Variants in PPP1R13B observed in about 807,000 individuals in gnomAD.
PPP1R13B encodes protein phosphatase 1 regulatory subunit 13B, also known as apoptosis-stimulating of p53 protein 1.
A neutral mutation model predicts 119.8 loss-of-function variants in PPP1R13B; 44 were observed. The ratio of observed to expected loss-of-function variants is 0.37; its 90% CI spans 0.29 to 0.47. The LOEUF is 0.47. Among genes scored for constraint, PPP1R13B ranks in the 20% least tolerant of loss-of-function variants. The probability of loss-of-function intolerance (pLI) is 0.99; values close to 1 mark genes in which losing one functional copy is unlikely to be tolerated. For missense variants in PPP1R13B, 1,227 were observed against 1,413.5 expected (o/e 0.87, Z 2.12); for synonymous variants, 542 against 561.5 (o/e 0.97, Z 0.49).
intron 2 of PPP1R13B, among the ~76,000 whole-genome samples, chr14:103,795,515 C>T (rs182081567): frequency 1.1e-4 from 16 of 152,134 alleles, no homozygotes; most frequent in African/African-American, 3.9e-4. Flanking sequence ...CCGAGTGACT[C>T]GTATGAGAGA....
At chr14:103,750,401 T>C (rs1028344243) in intron 7 of PPP1R13B, among the ~76,000 whole-genome samples, 34 of 152,146 alleles carry the variant, frequency 2.2e-4, no homozygotes, top group African/African-American at 7.7e-4. Flanking sequence ...TTTAAAGAAA[T>C]GAACTAGGAC....
At position 103,805,652 on chromosome 14, in the gene PPP1R13B, C is replaced by G. The variant is rs547193784; in HGVS notation, c.10-8134G>C. On this transcript the variant is annotated intron_variant, in intron 1 of 16. Transcript: ENST00000202556. ...AAGACAAAACCAAAATCTCCATTAA[C>G]AGATAATTATGGAATATCATACAAT... Among the ~76,000 whole-genome samples the G allele has an allele frequency of 1.4e-4, 22 of 152,202 alleles. No individual in the cohort carries two copies. The East Asian group carries it at 3.7e-3, about 25-fold the overall frequency.
Position 103,735,049 on chromosome 14 carries a change from C to G in PPP1R13B, c.*105G>C, listed in dbSNP as rs772195669. ...TGGACGCTGTCTGCTAAAGTGAGCA[C>G]CATTAAGACCATTTTCTAGCTGCAG... On this transcript the variant is annotated 3_prime_UTR_variant, in exon 17 of 17. Transcript: ENST00000202556. The G allele has an allele frequency of 3.1e-6, 4 of 1,275,344 alleles. No individual in the cohort carries two copies. The allele number at this position is 1,275,344 out of a possible 1,614,324, so 79.0% of individuals were successfully genotyped here. A position where few individuals can be genotyped will look rare whatever the true frequency, so the allele number is the denominator to read the frequency against.
intron 5 of PPP1R13B, among the ~76,000 whole-genome samples, chr14:103,755,909 C>T (rs2084665995): frequency 6.6e-6 from 1 of 151,966 alleles, no homozygotes; most frequent in East Asian, 1.9e-4. Context: ...AAAACAAGTC[C>T]AACCCAAATT....
chr14:103,761,741 C>G (rs1180634358), intron 4 of PPP1R13B, among the ~76,000 whole-genome samples: 2 of 139,294 alleles, frequency 1.4e-5, no homozygotes, highest in African/African-American at 5.4e-5. Flanking sequence ...CCAGCCTGGG[C>G]AACAGAGCAA....
intron 1 of PPP1R13B, among the ~76,000 whole-genome samples, chr14:103,815,037 A>G (rs2086246057): frequency 6.6e-6 from 1 of 152,228 alleles, no homozygotes; most frequent in South Asian, 2.1e-4. Flanking sequence ...AAAAAGTGGA[A>G]ACAACTCAAA....
chr14:103,735,876 T>A (rs748572321), intron 16 of PPP1R13B, 127 bp downstream of exon 16: 6 of 1,071,906 alleles, frequency 5.6e-6, no homozygotes, highest in Non-Finnish European at 5.4e-6. Flanking sequence ...CACCTCCCCC[T>A]CTACAGAGGG....
At chr14:103,832,278 T>TG (rs2086679426) in intron 1 of PPP1R13B, among the ~76,000 whole-genome samples, 1 of 152,138 alleles carries the variant, frequency 6.6e-6, no homozygotes, top group Admixed American at 6.6e-5. Context: ...TGACAATTGT[T>TG]GGGATGACTA....
In PPP1R13B at chr14:103,733,583, T is replaced by C. The variant is rs560054899; in HGVS notation, c.*1571A>G. ...CGTGGGGGCTTTGTGTTTTGTACTT[T>C]TCACTCACTATTTCACTTTATTAAG... is the stretch of plus-strand genomic sequence containing the variant. On this transcript the variant is annotated 3_prime_UTR_variant, in exon 17 of 17. Transcript: ENST00000202556. The C allele has an allele frequency of 6.5e-6, 1 of 153,382 alleles. No individual in the cohort carries two copies. Among genetic ancestry groups the C allele is most frequent in the Admixed American group, 6.5e-5 (1 of 15,400 alleles). 9.5% of individuals were successfully genotyped at this position (153,382 alleles called of 1,614,324 possible).
Position 103,746,476 on chromosome 14 carries a change from A to G in PPP1R13B, c.1047T>C (p.Tyr349=), listed in dbSNP as rs2084389039. 2.5e-6 allele frequency: 4 copies of G among 1,613,946 alleles called. No homozygotes were observed. Among genetic ancestry groups the G allele is most frequent in the African/African-American group, 2.7e-5 (2 of 74,934 alleles). The part of the protein sequence containing the change: ...TSGRVAAVGP[Y]IQVPSAGSFP... ...AGCTTCCGGCACTGGGAACCTGGAT[A>G]TAAGGCCCCACAGCAGCGACCCTGC... The change falls in exon 9 of 17, where the codon TAT becomes TAC. Residue 349 remains tyrosine, a synonymous_variant. Transcript: ENST00000202556.
In PPP1R13B at chr14:103,740,268, G is replaced by A. The variant is rs1322093154; in HGVS notation, c.2148C>T (p.Gly716=). 6.2e-7 allele frequency: 1 copy of A among 1,601,256 alleles called. No homozygotes were observed. Among genetic ancestry groups the A allele is most frequent in the Non-Finnish European group, 8.5e-7 (1 of 1,173,380 alleles). The change falls in exon 12 of 17, where the codon GGC becomes GGT. Residue 716 remains glycine, a synonymous_variant. Transcript: ENST00000202556. This position sits in a 1 kb window ranked among gnomAD's most constrained non-coding sequence, Gnocchi z 4.6. ...KKRSSITEPE[G]PGGPNIQKLL... ...GCTTCTGGATGTTGGGCCCGCCGGGGCCCTCGGGCTCTGTGATGGAGCTGC... is the reference window on the plus strand; with the variant it reads ...GCTTCTGGATGTTGGGCCCGCCGGGACCCTCGGGCTCTGTGATGGAGCTGC...
intron 4 of PPP1R13B, among the ~76,000 whole-genome samples, chr14:103,758,663 G>C (rs1452644637): frequency 6.6e-6 from 1 of 152,200 alleles, no homozygotes; most frequent in Admixed American, 6.5e-5. Flanking sequence ...AGGGGAAGGA[G>C]CATGCCTAGA....
rs2084219433 is a variant in PPP1R13B, at chr14:103,740,211, A to T, written c.2205T>A (p.Gly735=). The change falls in exon 12 of 17, where the codon GGT becomes GGA. Residue 735 remains glycine, a synonymous_variant. Transcript: ENST00000202556. The surrounding 1 kb of genome is among the most constrained non-coding windows in gnomAD (Gnocchi z 4.6). The part of the protein sequence containing the change: ...LLYQRFNTLA[G]GMEGTPFYQP... The stretch of plus-strand genomic sequence containing the variant: ...GGTAGAAAGGGGTGCCCTCCATGCC[A>T]CCGGCCAGGGTGTTGAAGCGCTGGT... 2 of 1,613,590 alleles carry T rather than the reference A, an allele frequency of 1.2e-6. No homozygotes were observed. Among genetic ancestry groups the T allele is most frequent in the Non-Finnish European group, 1.7e-6 (2 of 1,179,938 alleles).
intron 1 of PPP1R13B, among the ~76,000 whole-genome samples, chr14:103,838,398 A>G (rs2086827156): frequency 6.6e-6 from 1 of 152,222 alleles, no homozygotes; most frequent in African/African-American, 2.4e-5. Flanking sequence ...GCTCTCATGA[A>G]GCTCACAGTC....
intron 1 of PPP1R13B, among the ~76,000 whole-genome samples, chr14:103,824,125 G>A (rs1372252097): frequency 2.2e-5 from 3 of 136,310 alleles, no homozygotes; most frequent in Non-Finnish European, 4.6e-5. Context: ...GGCTCATTGC[G>A]ACCTCCACCT....
At chr14:103,799,411 C>T (rs999794996) in intron 1 of PPP1R13B, among the ~76,000 whole-genome samples, 1 of 152,044 alleles carries the variant, frequency 6.6e-6, no homozygotes, top group Admixed American at 6.6e-5. Context: ...AACTCCTGAC[C>T]TCATGATCCG....
chr14:103,817,781 C>T (rs1473414266), intron 1 of PPP1R13B, among the ~76,000 whole-genome samples: 1 of 152,040 alleles, frequency 6.6e-6, no homozygotes, highest in Admixed American at 6.6e-5. Context: ...TCACTGCAGA[C>T]AGACTGGCGT....
chr14:103,767,851 A>G (rs1389670067), intron 4 of PPP1R13B, among the ~76,000 whole-genome samples: 7 of 152,090 alleles, frequency 4.6e-5, no homozygotes, highest in Admixed American at 6.5e-5. Flanking sequence ...CCCAACATCA[A>G]TCTTGATAAA....
chr14:103,797,515 T>C lies in PPP1R13B; in HGVS notation c.13A>G (p.Ile5Val), dbSNP rs759286866. Residue 5 changes from isoleucine to valine, a missense_variant, in exon 2 of 17, where the codon ATA becomes GTA. Physicochemically the swap from Ile to Val is conservative, Grantham distance 29. Transcript: ENST00000202556. The part of the protein sequence containing the change: MMPM[I>V]LTVFLSNNEQ... ...TTGTTGCTCAAGAAAACAGTTAATA[T>C]CATCTGTAAGACAAAAGAGTAAAGC... 1.2e-6 allele frequency: 2 copies of C among 1,610,588 alleles called. No individual in the cohort carries two copies. The highest frequency in any genetic ancestry group is 1.7e-6 in the Non-Finnish European group (2 of 1,177,490).
Sources: gnomAD v4.1 joint callset for allele counts (sites outside exome capture counted in the v4.1 genomes callset) on GRCh38, gnomAD v4.1.1 for gene constraint, Gnocchi (gnomAD v3.1) non-coding constraint, MANE v1.5 for transcripts, NCBI Gene and HGNC (gene_info 2026-07-23, HGNC 2026-07-21) for gene names.